Variants in PCSK2 observed in about 807,000 individuals in gnomAD.
PCSK2 encodes the protein neuroendocrine convertase 2.
PCSK2 carries 14 observed loss-of-function variants against 69.7 expected under a neutral mutation model. That is an observed-to-expected ratio of 0.20 (90% CI 0.13 to 0.31). PCSK2 has a LOEUF of 0.31. Among genes scored for constraint, PCSK2 ranks in the 10% least tolerant of loss-of-function variants. PCSK2 has a pLI of 1.00. For synonymous variants in PCSK2, 307 were observed against 320.7 expected, an observed-to-expected ratio of 0.96 and a Z score of 0.46; for missense variants, 544 against 842.5, an observed-to-expected ratio of 0.65 and a Z score of 4.39.
At chr20:17,316,798 A>G (rs573470379) in intron 2 of PCSK2, among the ~76,000 whole-genome samples, 2 of 152,134 alleles carry the variant, frequency 1.3e-5, no homozygotes, top group Non-Finnish European at 2.9e-5. Context: ...CAGACAGATT[A>G]TAAGAGTTGA....
intron 2 of PCSK2, among the ~76,000 whole-genome samples, chr20:17,318,901 T>C (rs1224665734): frequency 6.6e-6 from 1 of 152,224 alleles, no homozygotes; most frequent in Non-Finnish European, 1.5e-5. Context: ...AGCAGGATTA[T>C]TCAATTCAGC....
chr20:17,413,640 C>A (rs2123311072), intron 6 of PCSK2, among the ~76,000 whole-genome samples: 1 of 152,306 alleles, frequency 6.6e-6, no homozygotes, highest in South Asian at 2.1e-4. Flanking sequence ...AGAAGGTTAA[C>A]AAGGATATCC....
intron 7 of PCSK2, among the ~76,000 whole-genome samples, chr20:17,430,089 C>T (rs954902326): frequency 1.3e-5 from 2 of 152,166 alleles, no homozygotes; most frequent in African/African-American, 4.8e-5. Context: ...AAGAGAAATT[C>T]TGCCTAGAAC....
At position 17,453,376 on chromosome 20, in the gene PCSK2, G is replaced by A. The variant is rs6136102; in HGVS notation, c.886-366G>A. On this transcript the variant is annotated intron_variant, in intron 8 of 11. Coordinates refer to ENST00000262545, the MANE Select transcript of PCSK2 (RefSeq NM_002594.5). This position sits in a 1 kb window ranked among gnomAD's most constrained non-coding sequence, Gnocchi z 4.0. Reference sequence around the variant, plus strand: ...AAGAATGAGATAATAATTACCTCTAGAGAGTTGTTTTTTATTTTCCTTTCC... The same window carrying A: ...AAGAATGAGATAATAATTACCTCTAAAGAGTTGTTTTTTATTTTCCTTTCC... Among the ~76,000 whole-genome samples, 2,985 of 152,244 alleles carry A rather than the reference G, an allele frequency of 0.02. 227 individuals are homozygous for A. In the East Asian group the frequency reaches 0.2, roughly 10 times the overall value.
rs1047238056 is a variant in PCSK2 at position 17,362,025 on chromosome 20, G to A, written c.505+1385G>A. On this transcript the variant is annotated intron_variant, in intron 4 of 11. Transcript: ENST00000262545. ...ATATCCTACTGGGTATCCCCAGCCG[G>A]GGATCAGAGAAGCCACCCTAAAAGT... 2.6e-5 allele frequency among the ~76,000 whole-genome samples: 4 copies of A among 152,302 alleles called. No homozygotes were observed. In the East Asian group the frequency reaches 7.7e-4, roughly 29 times the overall value.
At chr20:17,352,613 C>T (rs1480555041) in intron 2 of PCSK2, among the ~76,000 whole-genome samples, 1 of 152,126 alleles carries the variant, frequency 6.6e-6, no homozygotes, top group African/African-American at 2.4e-5. Context: ...GCTTTTTATT[C>T]AATAAATGAT....
At chr20:17,423,698 C>T (rs533927062) in intron 6 of PCSK2, among the ~76,000 whole-genome samples, 6 of 151,218 alleles carry the variant, frequency 4.0e-5, no homozygotes, top group South Asian at 2.1e-4. Context: ...GACTAGAAGA[C>T]GTGCAGCAAA....
intron 1 of PCSK2, among the ~76,000 whole-genome samples, chr20:17,239,752 T>G (rs1986487645): frequency 6.6e-6 from 1 of 151,118 alleles, no homozygotes; most frequent in African/African-American, 2.4e-5. Flanking sequence ...GACATGGATT[T>G]GGGAACAAGT....
chr20:17,259,941 G>C (rs1013884311), intron 1 of PCSK2, among the ~76,000 whole-genome samples: 4 of 152,118 alleles, frequency 2.6e-5, no homozygotes, highest in African/African-American at 7.2e-5. Flanking sequence ...TAAAGGCAAG[G>C]CTCCATGGAA....
At chr20:17,438,723 T>A (rs2032535975) in intron 8 of PCSK2, among the ~76,000 whole-genome samples, 2 of 152,146 alleles carry the variant, frequency 1.3e-5, no homozygotes, top group African/African-American at 2.4e-5. Flanking sequence ...GACGATGGAA[T>A]CTTCTCTCCC....
At chr20:17,346,161 C>A (rs1990647652) in intron 2 of PCSK2, among the ~76,000 whole-genome samples, 1 of 152,168 alleles carries the variant, frequency 6.6e-6, no homozygotes, top group African/African-American at 2.4e-5. Context: ...CATGAATCAA[C>A]AAAATGAAGG....
Position 17,465,569 on chromosome 20 carries a change from G to C in PCSK2, c.1430+16G>C. On this transcript the variant is annotated intron_variant, in intron 11 of 11. Transcript: ENST00000262545. The stretch of plus-strand genomic sequence containing the variant: ...AGGACCCTGAGTAAGTGGGGGTAGT[G>C]GTCCCTCTGCTGCATGTGGAAAGTG... 1 of 1,505,022 alleles carries C rather than the reference G, an allele frequency of 6.6e-7. No individual in the cohort carries two copies. The highest frequency in any genetic ancestry group is 9.1e-7 in the Non-Finnish European group (1 of 1,100,592). The allele number at this position is 1,505,022 out of a possible 1,614,324, so 93.2% of individuals were successfully genotyped here.
chr20:17,374,735 G>A (rs532185573), intron 5 of PCSK2, among the ~76,000 whole-genome samples: 11 of 152,188 alleles, frequency 7.2e-5, no homozygotes, highest in African/African-American at 2.2e-4. Context: ...AGTGTGGACC[G>A]AGTGGGCCTC....
chr20:17,355,650 A>AC, intron 2 of PCSK2, among the ~76,000 whole-genome samples: 1 of 148,804 alleles, frequency 6.7e-6, no homozygotes, highest in South Asian at 2.2e-4. Flanking sequence ...TGTGCACGCA[A>AC]ACACACACAC....
intron 6 of PCSK2, among the ~76,000 whole-genome samples, chr20:17,420,519 A>G (rs1209635999): frequency 6.6e-6 from 1 of 152,224 alleles, no homozygotes; most frequent in Admixed American, 6.5e-5. Flanking sequence ...CCTGGATTAG[A>G]AAAGTATTTA....
chr20:17,470,871 C>T (rs780770881), intron 11 of PCSK2, among the ~76,000 whole-genome samples: 8 of 123,150 alleles, frequency 6.5e-5, no homozygotes, highest in Non-Finnish European at 1.4e-4. Flanking sequence ...CTGGAATGTC[C>T]CTCACAGGCA....
In PCSK2 at chr20:17,453,200, C is replaced by T. The variant is rs1016184861; in HGVS notation, c.886-542C>T. ...CTTTATATTTATAATGTCTACATATCATATTTAAATTTATATATTGATATA... is the reference window on the plus strand; with the variant it reads ...CTTTATATTTATAATGTCTACATATTATATTTAAATTTATATATTGATATA... On this transcript the variant is annotated intron_variant, in intron 8 of 11. Transcript: ENST00000262545. This position sits in a 1 kb window ranked among gnomAD's most constrained non-coding sequence, Gnocchi z 4.0. 6.6e-6 allele frequency among the ~76,000 whole-genome samples: 1 copy of T among 152,006 alleles called. No individual in the cohort carries two copies. The highest frequency in any genetic ancestry group is 1.5e-5 in the Non-Finnish European group (1 of 68,000).
intron 4 of PCSK2, among the ~76,000 whole-genome samples, chr20:17,368,929 G>A (rs996953140): frequency 6.6e-6 from 1 of 152,144 alleles, no homozygotes; most frequent in Non-Finnish European, 1.5e-5. Flanking sequence ...TCAGAGAAAT[G>A]CCAGTTGATG....
At chr20:17,413,982 A>G (rs1023471708) in intron 6 of PCSK2, among the ~76,000 whole-genome samples, 5 of 152,206 alleles carry the variant, frequency 3.3e-5, no homozygotes, top group Non-Finnish European at 7.3e-5. Flanking sequence ...CTTTGAAACC[A>G]ATGAGAACAA....
Sources: allele counts gnomAD v4.1 joint callset (sites outside exome capture counted in the v4.1 genomes callset), GRCh38; gene constraint gnomAD v4.1.1; non-coding constraint Gnocchi (gnomAD v3.1); transcripts MANE v1.5; gene names NCBI Gene and HGNC (gene_info 2026-07-23, HGNC 2026-07-21).